ADGRB3: variants seen among roughly 807,000 people sequenced by gnomAD.
ADGRB3 encodes brain-specific angiogenesis inhibitor 3.
ADGRB3 carries 37 observed loss-of-function variants against 193.4 expected under a neutral mutation model. The ratio of observed to expected loss-of-function variants is 0.19; its 90% CI spans 0.15 to 0.25. The LOEUF (loss-of-function observed/expected upper bound fraction) is 0.25. Ranked by LOEUF, ADGRB3 falls within the 10% of genes least tolerant of loss-of-function variation. ADGRB3 has a pLI of 1.00. For synonymous variants in ADGRB3, 690 were observed against 644.2 expected, an observed-to-expected ratio of 1.07 and a Z score of -1.08; for missense variants, 1,637 against 1,852.9, an observed-to-expected ratio of 0.88 and a Z score of 2.14.
At chr6:68,936,118 A>G (rs1767479896) in intron 4 of ADGRB3, among the ~76,000 whole-genome samples, 1 of 152,190 alleles carries the variant, frequency 6.6e-6, no homozygotes, top group Non-Finnish European at 1.5e-5. Context: ...GGAACACATC[A>G]ATATATTCCT....
chr6:68,915,359 G>A (rs2150239558), intron 3 of ADGRB3, among the ~76,000 whole-genome samples: 1 of 152,238 alleles, frequency 6.6e-6, no homozygotes, highest in South Asian at 2.1e-4. Flanking sequence ...GGCAGGATGG[G>A]CTGATATTAA....
At chr6:69,023,352 TAAGG>T (rs1385003951) in intron 13 of ADGRB3, among the ~76,000 whole-genome samples, 1 of 152,124 alleles carries the variant, frequency 6.6e-6, no homozygotes, top group Non-Finnish European at 1.5e-5. Flanking sequence ...TTGTTCTGTA[TAAGG>T]ATCAAGAAAA....
intron 3 of ADGRB3, among the ~76,000 whole-genome samples, chr6:68,835,271 G>T (rs1402700683): frequency 1.3e-5 from 2 of 152,094 alleles, no homozygotes; most frequent in Non-Finnish European, 2.9e-5. Context: ...GATTTGACTT[G>T]TCATGATTAC....
intron 16 of ADGRB3, among the ~76,000 whole-genome samples, chr6:69,065,204 T>C (rs1771865889): frequency 6.6e-6 from 1 of 152,154 alleles, no homozygotes; most frequent in African/African-American, 2.4e-5. Flanking sequence ...TATGTATACA[T>C]GTAGAAATCT....
At position 69,048,343 on chromosome 6, in the gene ADGRB3, C is replaced by A; in HGVS notation, c.2257+9C>A. The A allele has an allele frequency of 1.9e-6, 3 of 1,610,052 alleles. No homozygotes were observed. The highest frequency in any genetic ancestry group is 2.5e-6 in the Non-Finnish European group (3 of 1,178,160). On this transcript the variant is annotated intron_variant, in intron 14 of 31. Coordinates refer to ENST00000370598, the MANE Select transcript of ADGRB3 (RefSeq NM_001704.3). ...TCCGGTGTCATCAAAAGGTAAATAT[C>A]TGAAATAATATGAGCTTGAACAAGA...
chr6:69,028,207 T>C (rs970102564), intron 13 of ADGRB3, among the ~76,000 whole-genome samples: 1 of 152,174 alleles, frequency 6.6e-6, no homozygotes, highest in Admixed American at 6.5e-5. Context: ...ATTCCTACTT[T>C]CCCTACCACT....
chr6:68,806,952 A>G (rs538436950), intron 3 of ADGRB3, among the ~76,000 whole-genome samples: 2 of 152,158 alleles, frequency 1.3e-5, no homozygotes, highest in African/African-American at 4.8e-5. Flanking sequence ...AAAGGTATGC[A>G]TATCTTTAAG....
At chr6:68,870,669 G>A (rs1765430398) in intron 3 of ADGRB3, among the ~76,000 whole-genome samples, 1 of 152,136 alleles carries the variant, frequency 6.6e-6, no homozygotes, top group South Asian at 2.1e-4. Flanking sequence ...GTCTGCATGG[G>A]TTCAAATCCC....
chr6:68,852,014 A>G (rs545966195), intron 3 of ADGRB3, among the ~76,000 whole-genome samples: 59 of 149,992 alleles, frequency 3.9e-4, no homozygotes, highest in African/African-American at 1.3e-3. Flanking sequence ...ATCTCTTTAT[A>G]TATTATTCAT....
At chr6:68,809,085 T>A (rs960132984) in intron 3 of ADGRB3, among the ~76,000 whole-genome samples, 1 of 152,032 alleles carries the variant, frequency 6.6e-6, no homozygotes, top group African/African-American at 2.4e-5. Context: ...TAAAAAAAAT[T>A]TTTTTGCATT....
At chr6:69,164,337 C>A (rs192680341) in intron 17 of ADGRB3, among the ~76,000 whole-genome samples, 36 of 151,296 alleles carry the variant, frequency 2.4e-4, no homozygotes, top group Admixed American at 5.3e-4. Flanking sequence ...TAGGACAAAC[C>A]AAACAATACT....
At chr6:69,079,340 A>G (rs777025126) in intron 17 of ADGRB3, among the ~76,000 whole-genome samples, 3 of 152,114 alleles carry the variant, frequency 2.0e-5, no homozygotes, top group Non-Finnish European at 2.9e-5. Flanking sequence ...TTTTTATTCA[A>G]TAGATGCAGA....
chr6:68,835,081 T>C (rs1013959422), intron 3 of ADGRB3, among the ~76,000 whole-genome samples: 1 of 152,190 alleles, frequency 6.6e-6, no homozygotes, highest in Non-Finnish European at 1.5e-5. Context: ...AAAGTTTTTT[T>C]GTCAGAAAAT....
chr6:69,098,882 T>G (rs2150320404), intron 17 of ADGRB3, among the ~76,000 whole-genome samples: 1 of 152,342 alleles, frequency 6.6e-6, no homozygotes, highest in African/African-American at 2.4e-5. Flanking sequence ...TTGTCTTAAT[T>G]TTTCTGATTT....
In ADGRB3 at chr6:69,382,818, T is replaced by C. The variant is rs749720396; in HGVS notation, c.4276-13T>C. 2 of 1,569,752 alleles carry C rather than the reference T, an allele frequency of 1.3e-6. No homozygotes were observed. The highest frequency in any genetic ancestry group is 2.3e-5 in the South Asian group (2 of 87,420). ...CAAGTTGGGGATGAGAGCTATCTTGTTCTTTTTTGCAGAAGGTCATGCATA... is the reference window on the plus strand; with the variant it reads ...CAAGTTGGGGATGAGAGCTATCTTGCTCTTTTTTGCAGAAGGTCATGCATA... On this transcript the variant is annotated splice_polypyrimidine_tract_variant and intron_variant, in intron 30 of 31. Coordinates refer to ENST00000370598, the MANE Select transcript of ADGRB3 (RefSeq NM_001704.3).
intron 20 of ADGRB3, among the ~76,000 whole-genome samples, chr6:69,274,515 TCCTTCCTTCTTTCTA>T (rs1284785208): frequency 5.5e-5 from 6 of 108,826 alleles, no homozygotes; most frequent in Admixed American, 3.9e-4. Flanking sequence ...TTTCCCTTCT[TCCTTCCTTCTTTCTA>T]CCTTCCTTCT....
intron 13 of ADGRB3, among the ~76,000 whole-genome samples, chr6:69,047,202 A>G (rs1164014605): frequency 1.3e-5 from 2 of 152,132 alleles, no homozygotes; most frequent in Non-Finnish European, 2.9e-5. Flanking sequence ...AGCTTTTACA[A>G]TTGTCTGCAT....
chr6:69,365,713 T>C (rs1769553276), intron 29 of ADGRB3, among the ~76,000 whole-genome samples: 1 of 152,094 alleles, frequency 6.6e-6, no homozygotes, highest in African/African-American at 2.4e-5. Context: ...TCTCTCAATT[T>C]GTAATGGCCA....
At chr6:69,321,520 A>G (rs1388834969) in intron 20 of ADGRB3, among the ~76,000 whole-genome samples, 1 of 151,790 alleles carries the variant, frequency 6.6e-6, no homozygotes, top group Non-Finnish European at 1.5e-5. Context: ...TGATAATTGA[A>G]CAGTTGCCAA....
Sources: allele counts gnomAD v4.1 joint callset (sites outside exome capture counted in the v4.1 genomes callset), GRCh38; gene constraint gnomAD v4.1.1; transcripts MANE v1.5; gene names NCBI Gene and HGNC (gene_info 2026-07-23, HGNC 2026-07-21).